The following PPAT variants were observed in gnomAD, a reference collection of about 807,000 sequenced individuals.
PPAT encodes the protein amidophosphoribosyltransferase.
In PPAT, 20 loss-of-function variants were observed where a neutral mutation model predicts 60.2. The ratio of observed to expected loss-of-function variants is 0.33; its 90% confidence interval spans 0.23 to 0.48. The LOEUF (loss-of-function observed/expected upper bound fraction) is 0.48. Ranked by LOEUF, PPAT falls within the 20% of genes least tolerant of loss-of-function variation. The pLI is 0.99. For missense variants in PPAT, 349 were observed against 629.6 expected (o/e 0.55, Z 4.77); for synonymous variants, 194 against 215.1 (o/e 0.90, Z 0.86).
chr4:56,405,274 C>T (rs1716217277), intron 3 of PPAT, among the ~76,000 whole-genome samples: 1 of 152,130 alleles, frequency 6.6e-6, no homozygotes, highest in Non-Finnish European at 1.5e-5. Context: ...TTCATGTCAT[C>T]TTCAAGTTTA....
chr4:56,422,114 T>C (rs1302019465), intron 1 of PPAT: 1 of 151,838 alleles, frequency 6.6e-6, no homozygotes, highest in Non-Finnish European at 1.5e-5. Flanking sequence ...TACTAAAAAA[T>C]ACACAAAAAA....
chr4:56,418,325 T>C (rs1455877626), intron 1 of PPAT, among the ~76,000 whole-genome samples: 1 of 152,136 alleles, frequency 6.6e-6, no homozygotes, highest in Non-Finnish European at 1.5e-5. Context: ...TTTATTTTAT[T>C]TTATCTTATT....
At chr4:56,407,547 A>C in intron 2 of PPAT, 103 bp downstream of exon 2, 1 of 879,394 alleles carries the variant, frequency 1.1e-6, no homozygotes, top group Non-Finnish European at 1.9e-6. Flanking sequence ...TGAACTCCCG[A>C]CCTCAGGTGA....
chr4:56,412,810 C>T (rs1005367629), intron 1 of PPAT, among the ~76,000 whole-genome samples: 3 of 152,150 alleles, frequency 2.0e-5, no homozygotes, highest in East Asian at 1.9e-4. Context: ...ACCTCTTTAC[C>T]GGGCTCCCTA....
chr4:56,414,859 A>G (rs1461769913), intron 1 of PPAT, among the ~76,000 whole-genome samples: 2 of 152,238 alleles, frequency 1.3e-5, no homozygotes, highest in Non-Finnish European at 2.9e-5. Context: ...GTTTTCAACC[A>G]AATCTAAAAC....
intron 8 of PPAT, 161 bp from the exon 9 acceptor site, chr4:56,399,561 T>C: frequency 1.7e-6 from 1 of 574,844 alleles, no homozygotes; most frequent in Non-Finnish European, 3.0e-6. Flanking sequence ...AAACAAAATA[T>C]ACTTGGTGGA....
At chr4:56,418,376 G>C (rs1266103994) in intron 1 of PPAT, among the ~76,000 whole-genome samples, 1 of 152,126 alleles carries the variant, frequency 6.6e-6, no homozygotes, top group Non-Finnish European at 1.5e-5. Context: ...CTGGAGTGCA[G>C]TGGTGTATTC....
chr4:56,433,090 T>C (rs962011907), intron 1 of PPAT, among the ~76,000 whole-genome samples: 1 of 151,710 alleles, frequency 6.6e-6, no homozygotes, highest in African/African-American at 2.4e-5. Flanking sequence ...ATAATTGTAT[T>C]TCCAAGACAT....
chr4:56,414,079 A>G (rs572974830), intron 1 of PPAT, among the ~76,000 whole-genome samples: 45 of 152,300 alleles, frequency 3.0e-4, no homozygotes, highest in Non-Finnish European at 6.0e-4. Context: ...AGAAATTTGC[A>G]TGATTTTCTT....
chr4:56,405,638 A>C (rs1242773313), intron 3 of PPAT, among the ~76,000 whole-genome samples: 1 of 152,202 alleles, frequency 6.6e-6, no homozygotes, highest in Non-Finnish European at 1.5e-5. Context: ...AGGTTCAGAG[A>C]GCTTCTGGAT....
chr4:56,397,062 TTAC>T (rs932444268), intron 9 of PPAT, among the ~76,000 whole-genome samples: 6 of 152,232 alleles, frequency 3.9e-5, no homozygotes, highest in African/African-American at 1.4e-4. Flanking sequence ...AACAAAAACC[TTAC>T]TACTACAACA....
rs1212270474 is a variant in PPAT at position 56,400,812 on chromosome 4, G to A, written c.986C>T (p.Thr329Met). Residue 329 changes from threonine (T) to methionine (M), a missense_variant, in exon 8 of 11, where the codon ACG becomes ATG. Physicochemically the swap from Thr to Met is moderately conservative, Grantham distance 81. Transcript: ENST00000264220. ...DLVSTVPESA[T>M]PAALAYAGKC... ...TCCTGCGTAAGCAAGAGCAGCAGGC[G>A]TAGCAGATTCTGGAACAGTGCTAAC... The A allele has an allele frequency of 1.2e-6, 2 of 1,613,658 alleles. No individual in the cohort carries two copies. The highest frequency in any genetic ancestry group is 8.5e-7 in the Non-Finnish European group (1 of 1,179,778).
intron 1 of PPAT, chr4:56,416,408 C>T (rs912707221): frequency 2.3e-6 from 2 of 888,876 alleles, no homozygotes; most frequent in Non-Finnish European, 2.7e-6. Context: ...TCCTTTACTT[C>T]TGGTTTCTCA....
chr4:56,426,743 C>T (rs1006340250), intron 1 of PPAT, among the ~76,000 whole-genome samples: 1 of 152,152 alleles, frequency 6.6e-6, no homozygotes, highest in African/African-American at 2.4e-5. Context: ...CATTCTGGTA[C>T]AATTTTTTTC....
intron 1 of PPAT, among the ~76,000 whole-genome samples, chr4:56,412,168 C>G (rs968372921): frequency 3.3e-5 from 5 of 152,136 alleles, no homozygotes; most frequent in Non-Finnish European, 5.9e-5. Context: ...AAGGGATCTT[C>G]AGCGCTTTCA....
At chr4:56,432,720 G>C (rs1717661427) in intron 1 of PPAT, among the ~76,000 whole-genome samples, 1 of 149,982 alleles carries the variant, frequency 6.7e-6, no homozygotes, top group East Asian at 2.0e-4. Context: ...GGGAGGCGGA[G>C]CTTGCAGTGA....
intron 1 of PPAT, among the ~76,000 whole-genome samples, chr4:56,426,392 A>T (rs1295554506): frequency 1.3e-5 from 2 of 150,538 alleles, no homozygotes; most frequent in Non-Finnish European, 3.0e-5. Context: ...ACTGAGCAAG[A>T]CTCTGTCTCA....
intron 1 of PPAT, chr4:56,419,491 A>T: frequency 5.7e-6 from 1 of 175,376 alleles, no homozygotes; most frequent in Non-Finnish European, 1.1e-5. Context: ...AGAAAAGCTA[A>T]GCTATGATTT....
chr4:56,407,327 T>C (rs979747583), intron 2 of PPAT, among the ~76,000 whole-genome samples: 11 of 152,168 alleles, frequency 7.2e-5, no homozygotes, highest in Non-Finnish European at 1.2e-4. Context: ...TTCTTTCTTT[T>C]TTTTTTTTGA....
Sources: allele counts gnomAD v4.1 joint callset (sites outside exome capture counted in the v4.1 genomes callset), GRCh38; gene constraint gnomAD v4.1.1; transcripts MANE v1.5; gene names NCBI Gene and HGNC (gene_info 2026-07-23, HGNC 2026-07-21).